AJM1: variants seen among roughly 807,000 people sequenced by gnomAD.
The protein encoded by AJM1 is apical junction component 1 homolog.
In AJM1, 22 loss-of-function variants were observed where a neutral mutation model predicts 43.0. The ratio of observed to expected loss-of-function variants is 0.51; its 90% CI spans 0.37 to 0.73. The LOEUF is 0.73. AJM1 is among the 30% of genes least tolerant of loss of function. AJM1 has a pLI of 0.00. For missense variants in AJM1, 1,305 were observed against 1,343.3 expected (o/e 0.97, Z 0.45); for synonymous variants, 719 against 638.3 (o/e 1.13, Z -1.91).
chr9:136,844,131 C>A (rs1175858295), intron 1 of AJM1, among the ~76,000 whole-genome samples, 65 bp from the exon 2 acceptor site: 1 of 152,228 alleles, frequency 6.6e-6, no homozygotes, highest in Admixed American at 6.5e-5. Flanking sequence ...CCGCCCGCCC[C>A]ATCGCAGGGA....
In AJM1 at chr9:136,847,395, T is replaced by G. The variant is rs1335451388; in HGVS notation, c.*50T>G. The stretch of plus-strand genomic sequence containing the variant: ...CCAGGCGCTGGCCCGAACCCTGCCC[T>G]GCCCACTCAGGCCCCGCCCGGCCCA... On this transcript the variant is annotated 3_prime_UTR_variant, in exon 3 of 3. Coordinates refer to ENST00000436881, the MANE Select transcript of AJM1 (RefSeq NM_001080482.5). 1.2e-5 allele frequency: 16 copies of G among 1,365,398 alleles called. No homozygotes were observed. The highest frequency in any genetic ancestry group is 1.5e-5 in the African/African-American group (1 of 65,090). 84.6% of individuals were successfully genotyped at this position (1,365,398 alleles called of 1,614,324 possible).
In AJM1 at chr9:136,846,754, A is replaced by G. The variant is rs752823149; in HGVS notation, c.2340A>G (p.Leu780=). The change falls in exon 3 of 3, where the codon CTA becomes CTG. Residue 780 remains leucine, a synonymous_variant. Coordinates refer to ENST00000436881, the MANE Select transcript of AJM1 (RefSeq NM_001080482.5). Reference sequence around the variant, plus strand: ...GGCTGCTGCTATCCCCCACCTACCTATCGCTGCGTGAGCTGGCCACACACG... The same window carrying G: ...GGCTGCTGCTATCCCCCACCTACCTGTCGCTGCGTGAGCTGGCCACACACG... ...LEGLLLSPTY[L]SLRELATHAA... 1 of 1,599,460 alleles carries G rather than the reference A, an allele frequency of 6.3e-7. No individual in the cohort carries two copies. Among genetic ancestry groups the G allele is most frequent in the South Asian group, 1.1e-5 (1 of 90,726 alleles).
rs755149242 is a variant in AJM1, at chr9:136,845,362, G to T, written c.948G>T (p.Ser316=). ...GGCCCTATCCGTCCGAGGAGCTCTC[G>T]GGGCCCAGTCCAAGGCGCATGGGCG... ...YPRPYPSEEL[S]GPSPRRMGGY... Residue 316 remains serine, a synonymous_variant, in exon 3 of 3, where the codon TCG becomes TCT. Coordinates refer to ENST00000436881, the MANE Select transcript of AJM1 (RefSeq NM_001080482.5). The T allele has an allele frequency of 1.2e-6, 2 of 1,612,280 alleles. No homozygotes were observed. The highest frequency in any genetic ancestry group is 2.7e-5 in the African/African-American group (2 of 74,928).
At position 136,847,113 on chromosome 9, in the gene AJM1, T is replaced by A; in HGVS notation, c.2699T>A (p.Ile900Asn). 1 of 1,573,360 alleles carries A rather than the reference T, an allele frequency of 6.4e-7. No homozygotes were observed. The highest frequency in any genetic ancestry group is 8.6e-7 in the Non-Finnish European group (1 of 1,166,430). ...CGGCGCGCGCGCGAGGTGGCCTTCA[T>A]CCACATCCAGCGCGAGCTGCGGCTG... The part of the protein sequence containing the change: ...AGRRAREVAF[I>N]HIQRELRLRG... Residue 900 changes from isoleucine (I) to asparagine (N), a missense_variant, in exon 3 of 3, where the codon ATC (isoleucine) becomes AAC (asparagine). Around this residue, in one of 6 missense-constraint regions of AJM1, gnomAD observed 5 missense variants for 20.7 expected, o/e 0.24. Coordinates refer to ENST00000436881, the MANE Select transcript of AJM1 (RefSeq NM_001080482.5).
chr9:136,845,690 T>G lies in AJM1; in HGVS notation c.1276T>G (p.Ser426Ala), dbSNP rs778221852. The G allele has an allele frequency of 6.4e-7, 1 of 1,574,240 alleles. No individual in the cohort carries two copies. The highest frequency in any genetic ancestry group is 8.6e-7 in the Non-Finnish European group (1 of 1,168,680). ...CTCTGACCCCGACCCGTTGCTCGCC[T>G]CCTGGCACGGCGGCACCGGCACCAG... ...PPSDPDPLLA[S>A]WHGGTGTSPP... is the part of the protein sequence containing the mutation. The change falls in exon 3 of 3, where the codon TCC becomes GCC. Residue 426 changes from serine (S) to alanine (A), a missense_variant. Transcript: ENST00000436881.
At position 136,844,286 on chromosome 9, in the gene AJM1, C is replaced by T. The variant is rs1400165011; in HGVS notation, c.-60+7C>T. 2 of 768,062 alleles carry T rather than the reference C, an allele frequency of 2.6e-6. No homozygotes were observed. Among genetic ancestry groups the T allele is most frequent in the Non-Finnish European group, 4.3e-6 (2 of 462,976 alleles). The allele number at this position is 768,062 out of a possible 1,614,324, so 47.6% of individuals were successfully genotyped here. A position where few individuals can be genotyped will look rare whatever the true frequency, so the allele number is the denominator to read the frequency against. ...TCCGCCCGCTGCGCCCCAGGTAAGC[C>T]GGGCCAGCGTGGGGGAGTAGCGGGG... is the stretch of plus-strand genomic sequence containing the variant. On this transcript the variant is annotated splice_region_variant and intron_variant, in intron 2 of 2. Transcript: ENST00000436881.
In AJM1 at chr9:136,847,382, C is replaced by G; in HGVS notation, c.*37C>G. 1 of 1,431,772 alleles carries G rather than the reference C, an allele frequency of 7.0e-7. No individual in the cohort carries two copies. Among genetic ancestry groups the G allele is most frequent in the Non-Finnish European group, 9.2e-7 (1 of 1,088,592 alleles). The allele number at this position is 1,431,772 out of a possible 1,614,324, so 88.7% of individuals were successfully genotyped here. ...CACCAGGCCTAGCCCAGGCGCTGGC[C>G]CGAACCCTGCCCTGCCCACTCAGGC... On this transcript the variant is annotated 3_prime_UTR_variant, in exon 3 of 3. Transcript: ENST00000436881.
At position 136,846,785 on chromosome 9, in the gene AJM1, C is replaced by A. The variant is rs750840207; in HGVS notation, c.2371C>A (p.Pro791Thr). 6.3e-7 allele frequency: 1 copy of A among 1,595,294 alleles called. No individual in the cohort carries two copies. Among genetic ancestry groups the A allele is most frequent in the Non-Finnish European group, 8.5e-7 (1 of 1,176,350 alleles). Residue 791 changes from proline (P) to threonine (T), a missense_variant, in exon 3 of 3, where the codon CCC becomes ACC. This residue lies in a region of AJM1 where 391 missense variants were observed against 507.5 expected (regional missense o/e 0.77). Transcript: ENST00000436881. ...GCGTGAGCTGGCCACACACGCGGCG[C>A]CCCTGGGCAGCTACGCGCGCGAGCT... ...SLRELATHAA[P>T]LGSYARELAA...
rs1003053524 is a variant in AJM1, at chr9:136,843,007, TG to T, written c.-144+425del. Among the ~76,000 whole-genome samples, 423 of 57,204 alleles carry T rather than the reference TG, an allele frequency of 7.4e-3. 1 individual carries two copies. Among genetic ancestry groups the T allele is most frequent in the African/African-American group, 0.026 (404 of 15,340 alleles). 37.5% of individuals were successfully genotyped at this position (57,204 alleles called of 152,430 possible). On this transcript the variant is annotated intron_variant, in intron 1 of 2. Transcript: ENST00000436881. ...CCACGGGTGGGGTGGAGGGGGGAGA[TG>T]GGGGGGTGGGCGGGGGAGGCTGGGA... is the stretch of plus-strand genomic sequence containing the variant.
In AJM1 at chr9:136,845,755, C is replaced by G. The variant is rs1211952728; in HGVS notation, c.1341C>G (p.Arg447=). 11 of 1,580,520 alleles carry G rather than the reference C, an allele frequency of 7.0e-6. No individual in the cohort carries two copies. Among genetic ancestry groups the G allele is most frequent in the Non-Finnish European group, 9.4e-6 (11 of 1,171,260 alleles). ...RLATDSRHYS[R]SWDNILAPGP... Reference sequence around the variant, plus strand: ...CCACCGACAGCCGCCACTACTCGCGCTCCTGGGACAACATTCTGGCCCCGG... The same window carrying G: ...CCACCGACAGCCGCCACTACTCGCGGTCCTGGGACAACATTCTGGCCCCGG... The change falls in exon 3 of 3, where the codon CGC becomes CGG. Residue 447 remains arginine (R), a synonymous_variant. Coordinates refer to ENST00000436881, the MANE Select transcript of AJM1 (RefSeq NM_001080482.5).
In AJM1 at chr9:136,845,275, C is replaced by T. The variant is rs773811813; in HGVS notation, c.861C>T (p.Pro287=). The T allele has an allele frequency of 3.1e-6, 5 of 1,608,834 alleles. No individual in the cohort carries two copies. The highest frequency in any genetic ancestry group is 4.2e-6 in the Non-Finnish European group (5 of 1,179,572). ...GPTQFFYTEE[P]QGFRGSFAAS... The stretch of plus-strand genomic sequence containing the variant: ...CCCAGTTCTTCTATACAGAGGAGCC[C>T]CAAGGCTTCCGGGGCAGCTTTGCAG... The change falls in exon 3 of 3, where the codon CCC becomes CCT. Residue 287 remains proline (P), a synonymous_variant. Transcript: ENST00000436881.
At position 136,845,607 on chromosome 9, in the gene AJM1, G is replaced by A; in HGVS notation, c.1193G>A (p.Ser398Asn). 1 of 1,582,512 alleles carries A rather than the reference G, an allele frequency of 6.3e-7. No individual in the cohort carries two copies. Among genetic ancestry groups the A allele is most frequent in the East Asian group, 2.3e-5 (1 of 43,610 alleles). The change falls in exon 3 of 3, where the codon AGC becomes AAC. Residue 398 changes from serine (S) to asparagine (N), a missense_variant. Around this residue, in one of 6 missense-constraint regions of AJM1, gnomAD observed 653 missense variants for 549.1 expected, o/e 1.19. Transcript: ENST00000436881. ...LARTYPHPRS[S>N]PAWADWGPRP... ...CGGACGTACCCGCACCCGCGCAGCA[G>A]CCCGGCCTGGGCGGACTGGGGCCCG...
Position 136,846,295 on chromosome 9 carries a change from G to A in AJM1, c.1881G>A (p.Ala627=), listed in dbSNP as rs1169080869. 3 of 1,174,544 alleles carry A rather than the reference G, an allele frequency of 2.6e-6. No homozygotes were observed. The highest frequency in any genetic ancestry group is 3.6e-5 in the South Asian group (1 of 27,448). The allele number at this position is 1,174,544 out of a possible 1,614,324, so 72.8% of individuals were successfully genotyped here. ...RPAGSGAPAL[A]PPRSPPASAG... is the part of the protein sequence containing the mutation. ...CGGGCTCCGGGGCCCCCGCGCTGGCGCCGCCACGCTCGCCCCCCGCCTCGG... is the reference window on the plus strand; with the variant it reads ...CGGGCTCCGGGGCCCCCGCGCTGGCACCGCCACGCTCGCCCCCCGCCTCGG... The change falls in exon 3 of 3, where the codon GCG becomes GCA. Residue 627 remains alanine, a synonymous_variant. Coordinates refer to ENST00000436881, the MANE Select transcript of AJM1 (RefSeq NM_001080482.5).
At position 136,845,482 on chromosome 9, in the gene AJM1, C is replaced by T. The variant is rs768336016; in HGVS notation, c.1068C>T (p.Tyr356=). 34 of 1,606,580 alleles carry T rather than the reference C, an allele frequency of 2.1e-5. No homozygotes were observed. In the Admixed American group the frequency reaches 3.4e-4, roughly 16 times the overall value. The change falls in exon 3 of 3, where the codon TAC becomes TAT. Residue 356 remains tyrosine, a synonymous_variant. Coordinates refer to ENST00000436881, the MANE Select transcript of AJM1 (RefSeq NM_001080482.5). ...GEAPRAYGLP[Y]GPRYVPEEPR... ...CTCCACGAGCCTACGGCCTGCCCTACGGGCCCCGCTATGTCCCCGAGGAGC... is the reference window on the plus strand; with the variant it reads ...CTCCACGAGCCTACGGCCTGCCCTATGGGCCCCGCTATGTCCCCGAGGAGC...
rs1478649903 is a variant in AJM1, at chr9:136,845,644, C to T, written c.1230C>T (p.Arg410=). 5.7e-6 allele frequency: 9 copies of T among 1,578,750 alleles called. No homozygotes were observed. Among genetic ancestry groups the T allele is most frequent in the Non-Finnish European group, 6.0e-6 (7 of 1,169,476 alleles). The change falls in exon 3 of 3, where the codon CGC becomes CGT. Residue 410 remains arginine (R), a synonymous_variant. Transcript: ENST00000436881. ...CGGACTGGGGCCCGCGACCGTACCG[C>T]ACCCTGCAAGTGGTGCCGCCCTCTG... The part of the protein sequence containing the change: ...AWADWGPRPY[R]TLQVVPPSDP...
chr9:136,847,452 C>T lies in AJM1; in HGVS notation c.*107C>T. The T allele has an allele frequency of 1.1e-6, 1 of 893,660 alleles. No individual in the cohort carries two copies. The highest frequency in any genetic ancestry group is 1.6e-6 in the Non-Finnish European group (1 of 634,422). 55.4% of individuals were successfully genotyped at this position (893,660 alleles called of 1,614,324 possible). A position where few individuals can be genotyped will look rare whatever the true frequency, so the allele number is the denominator to read the frequency against. On this transcript the variant is annotated 3_prime_UTR_variant, in exon 3 of 3. Transcript: ENST00000436881. ...GCCGCCCCCGAGCCCCGCCAGGGCCCCACCCCGACTTCTTCTAGGCCCCGC... is the reference window on the plus strand; with the variant it reads ...GCCGCCCCCGAGCCCCGCCAGGGCCTCACCCCGACTTCTTCTAGGCCCCGC...
Position 136,846,789 on chromosome 9 carries a change from TG to T in AJM1, c.2378del (p.Gly793AlafsTer58). On this transcript the variant is annotated frameshift_variant, in exon 3 of 3. Coordinates refer to ENST00000436881, the MANE Select transcript of AJM1 (RefSeq NM_001080482.5). LOFTEE classifies it high-confidence loss of function. ...LRELATHAAP[L>X]GSYARELAAA... Reference sequence around the variant, plus strand: ...GAGCTGGCCACACACGCGGCGCCCCTGGGCAGCTACGCGCGCGAGCTGGCGG... The same window carrying T: ...GAGCTGGCCACACACGCGGCGCCCCTGGCAGCTACGCGCGCGAGCTGGCGG... 1 of 1,594,414 alleles carries T rather than the reference TG, an allele frequency of 6.3e-7. No homozygotes were observed.
rs766795898 is a variant in AJM1 at position 136,847,167 on chromosome 9, C to G, written c.2753C>G (p.Pro918Arg). ...GGCGTCTTCCTGCGCCACGAGTTCC[C>G]GCGCGTCTACGAGCAGCTTTGCGAG... The part of the protein sequence containing the change: ...LRGVFLRHEF[P>R]RVYEQLCEFV... The change falls in exon 3 of 3, where the codon CCG becomes CGG. Residue 918 changes from proline to arginine, a missense_variant. Pro to Arg is a moderately radical substitution (Grantham distance 103). Coordinates refer to ENST00000436881, the MANE Select transcript of AJM1 (RefSeq NM_001080482.5). The G allele has an allele frequency of 4.4e-6, 7 of 1,602,554 alleles. No homozygotes were observed. The highest frequency in any genetic ancestry group is 5.9e-6 in the Non-Finnish European group (7 of 1,178,674).
Position 136,846,550 on chromosome 9 carries a change from CGGCCGCGTG to C in AJM1, c.2140_2148del (p.Arg714_Gly716del). ...ACGCCCACAAGGCGCGCTGCGTGTA[CGGCCGCGTG>C]GGCAGCGTGTGCCGCCACGTACTGC... On this transcript the variant is annotated inframe_deletion, in exon 3 of 3. Coordinates refer to ENST00000436881, the MANE Select transcript of AJM1 (RefSeq NM_001080482.5). 1 of 1,594,082 alleles carries C rather than the reference CGGCCGCGTG, an allele frequency of 6.3e-7. No individual in the cohort carries two copies. The highest frequency in any genetic ancestry group is 8.5e-7 in the Non-Finnish European group (1 of 1,177,770).
Sources: gnomAD v4.1 joint callset for allele counts (sites outside exome capture counted in the v4.1 genomes callset) on GRCh38, gnomAD v4.1.1 for gene constraint, gnomAD v4.1.1 regional missense constraint, MANE v1.5 for transcripts, NCBI Gene and HGNC (gene_info 2026-07-23, HGNC 2026-07-21) for gene names.